Variants in TRAPPC9 observed in about 807,000 individuals in gnomAD.
TRAPPC9 encodes the protein IKK2 binding protein.
A neutral mutation model predicts 124.0 loss-of-function variants in TRAPPC9; 83 were observed. That is an observed-to-expected ratio of 0.67 (90% CI 0.56 to 0.80). TRAPPC9 has a LOEUF of 0.80. TRAPPC9 is among the 30% of genes least tolerant of loss of function. The pLI, the probability that TRAPPC9 is intolerant of heterozygous loss-of-function variation, is 0.00. For missense variants in TRAPPC9, 1,302 were observed against 1,508.3 expected, an observed-to-expected ratio of 0.86 and a Z score of 2.27; for synonymous variants, 638 against 617.5, an observed-to-expected ratio of 1.03 and a Z score of -0.49.
At chr8:139,881,409 A>G (rs549892598) in intron 21 of TRAPPC9, 4 of 152,376 alleles carry the variant, frequency 2.6e-5, no homozygotes, top group African/African-American at 7.2e-5. Flanking sequence ...GCACTCATTT[A>G]CAGAGCATCA....
chr8:139,737,475 C>A (rs555972777), intron 21 of TRAPPC9, among the ~76,000 whole-genome samples: 3 of 128,254 alleles, frequency 2.3e-5, no homozygotes, highest in Admixed American at 7.4e-5. Flanking sequence ...CTCCCCCCCC[C>A]CCCACGGAAA....
intron 17 of TRAPPC9, among the ~76,000 whole-genome samples, chr8:140,086,865 G>T (rs1187454216): frequency 6.6e-6 from 1 of 152,060 alleles, no homozygotes; most frequent in Non-Finnish European, 1.5e-5. Flanking sequence ...CCAGGTGGCA[G>T]CAGTTGCAGT....
chr8:140,447,202 A>G lies in TRAPPC9; in HGVS notation c.584+3588T>C, dbSNP rs541633552. Among the ~76,000 whole-genome samples the G allele has an allele frequency of 2.0e-5, 3 of 152,344 alleles. No individual in the cohort carries two copies. The South Asian group carries it at 6.2e-4, about 32-fold the overall frequency. ...AAAGGCTGGTGTGTCACTAAATGCT[A>G]CAGACTGAACAAGATCCCCCAGAGC... On this transcript the variant is annotated intron_variant, in intron 2 of 22. Coordinates refer to ENST00000438773, the MANE Select transcript of TRAPPC9 (RefSeq NM_001160372.4).
intron 17 of TRAPPC9, among the ~76,000 whole-genome samples, chr8:140,072,456 T>C (rs1843212892): frequency 6.6e-6 from 1 of 150,726 alleles, no homozygotes; most frequent in African/African-American, 2.5e-5. Flanking sequence ...AGGCAGAGCT[T>C]GCAGTGAGCC....
chr8:140,350,713 G>C (rs376606646), intron 9 of TRAPPC9, among the ~76,000 whole-genome samples: 108 of 152,148 alleles, frequency 7.1e-4, no homozygotes, highest in African/African-American at 2.5e-3. Context: ...GGCATGTGGG[G>C]CTCTGGGGTG....
intron 9 of TRAPPC9, among the ~76,000 whole-genome samples, chr8:140,344,449 C>A (rs2067278724): frequency 6.6e-6 from 1 of 152,128 alleles, no homozygotes; most frequent in African/African-American, 2.4e-5. Context: ...TTTGCTGAGC[C>A]CCTGTCACAC....
intron 21 of TRAPPC9, among the ~76,000 whole-genome samples, chr8:139,830,697 A>G (rs747104533): frequency 6.6e-6 from 1 of 152,140 alleles, no homozygotes; most frequent in Non-Finnish European, 1.5e-5. Flanking sequence ...GCATATACAC[A>G]TGCACACATG....
Position 140,252,545 on chromosome 8 carries a change from C to T in TRAPPC9, c.2431+232G>A, listed in dbSNP as rs1007699501. 1.6e-5 allele frequency: 8 copies of T among 508,370 alleles called. No homozygotes were observed. In the South Asian group the frequency reaches 1.9e-4, roughly 12 times the overall value. The allele number at this position is 508,370 out of a possible 1,614,324, so 31.5% of individuals were successfully genotyped here. On this transcript the variant is annotated intron_variant, in intron 16 of 22. Transcript: ENST00000438773. This position sits in a 1 kb window ranked among gnomAD's most constrained non-coding sequence, Gnocchi z 4.2. ...AGAATGACCTGCTGGTAAATGAGTA[C>T]AAAATAATAAAGAGTGAGAATTAAA...
rs148984460 is a variant in TRAPPC9, at chr8:140,002,656, G to C, written c.2700-13820C>G. Reference sequence around the variant, plus strand: ...ATATAGCAGTAAGGACTTACTACAAGGTACACTAATCAGGACAGCGTTGTA... The same window carrying C: ...ATATAGCAGTAAGGACTTACTACAACGTACACTAATCAGGACAGCGTTGTA... On this transcript the variant is annotated intron_variant, in intron 18 of 22. Transcript: ENST00000438773. Among the ~76,000 whole-genome samples, 920 of 152,028 alleles carry C rather than the reference G, an allele frequency of 6.1e-3. 5 individuals are homozygous for C. The highest frequency in any genetic ancestry group is 0.018 in the African/African-American group (764 of 41,480).
At chr8:139,965,610 A>C (rs1289968041) in intron 19 of TRAPPC9, among the ~76,000 whole-genome samples, 1 of 120,338 alleles carries the variant, frequency 8.3e-6, no homozygotes, top group Non-Finnish European at 1.9e-5. Context: ...GCTGGTCTCC[A>C]GGAGCCCCCA....
intron 17 of TRAPPC9, among the ~76,000 whole-genome samples, chr8:140,042,011 G>A (rs1327644916): frequency 6.6e-6 from 1 of 152,062 alleles, no homozygotes; most frequent in African/African-American, 2.4e-5. Flanking sequence ...AATGAAAGAA[G>A]CACAACAAAT....
At chr8:140,354,448 G>A (rs929371086) in intron 9 of TRAPPC9, among the ~76,000 whole-genome samples, 1 of 152,176 alleles carries the variant, frequency 6.6e-6, no homozygotes, top group Non-Finnish European at 1.5e-5. Flanking sequence ...CAAAGTCTTG[G>A]AGAACTCAGA....
intron 12 of TRAPPC9, among the ~76,000 whole-genome samples, chr8:140,289,684 CA>C (rs36003180): frequency 0.56 from 82,966 of 149,362 alleles, 22,791 homozygotes; most frequent in East Asian, 0.64. Context: ...ATTTTAAGAC[CA>C]AAAAAAAAAA....
At chr8:140,036,195 G>C (rs1413912252) in intron 17 of TRAPPC9, among the ~76,000 whole-genome samples, 1 of 150,658 alleles carries the variant, frequency 6.6e-6, no homozygotes, top group Admixed American at 6.7e-5. Flanking sequence ...AGACTTTTTA[G>C]CTAAAGGCAT....
intron 18 of TRAPPC9, among the ~76,000 whole-genome samples, chr8:140,009,173 T>C (rs887365987): frequency 6.6e-6 from 1 of 152,160 alleles, no homozygotes; most frequent in Non-Finnish European, 1.5e-5. Context: ...AAGTCTTAAG[T>C]CCTTGATACT....
chr8:140,362,456 T>C (rs1471766103), intron 8 of TRAPPC9, among the ~76,000 whole-genome samples: 1 of 152,182 alleles, frequency 6.6e-6, no homozygotes, highest in Admixed American at 6.5e-5. Context: ...TCCTCTCTAA[T>C]TTGTATATAT....
intron 21 of TRAPPC9, among the ~76,000 whole-genome samples, chr8:139,827,736 C>T (rs1233579587): frequency 1.3e-5 from 2 of 152,164 alleles, no homozygotes; most frequent in Admixed American, 1.3e-4. Context: ...TCTTGCATTG[C>T]TATCAAGGAA....
intron 19 of TRAPPC9, chr8:139,932,575 C>A (rs752261037): frequency 2.2e-6 from 1 of 452,736 alleles, no homozygotes; most frequent in South Asian, 1.6e-5. Flanking sequence ...CCAGCCTGGA[C>A]AACATGGTGA....
intron 21 of TRAPPC9, among the ~76,000 whole-genome samples, chr8:139,773,749 C>A (rs1173636719): frequency 2.6e-5 from 4 of 152,228 alleles, no homozygotes; most frequent in Non-Finnish European, 5.9e-5. Context: ...TGTGCGGAAC[C>A]TTTGCCTGAA....
Sources: gnomAD v4.1 joint callset for allele counts (sites outside exome capture counted in the v4.1 genomes callset) on GRCh38, gnomAD v4.1.1 for gene constraint, Gnocchi (gnomAD v3.1) non-coding constraint, MANE v1.5 for transcripts, NCBI Gene and HGNC (gene_info 2026-07-23, HGNC 2026-07-21) for gene names.